The following HK1 variants were observed in gnomAD, a reference collection of about 807,000 sequenced individuals.
HK1 encodes the protein hexokinase 1, also known as hexokinase-1.
HK1 carries 28 observed loss-of-function variants against 91.6 expected under a neutral mutation model. The ratio of observed to expected loss-of-function variants is 0.31; its 90% CI spans 0.23 to 0.42. The LOEUF is 0.42. HK1 is among the 10% of genes least tolerant of loss of function. The pLI is 1.00. For missense variants in HK1, 770 were observed against 1,219.8 expected (o/e 0.63, Z 5.49); for synonymous variants, 430 against 468.1 (o/e 0.92, Z 1.05).
chr10:69,286,398 G>T (rs1845034290), intron 2 of HK1, among the ~76,000 whole-genome samples: 1 of 152,130 alleles, frequency 6.6e-6, no homozygotes, highest in Non-Finnish European at 1.5e-5. Flanking sequence ...CAGAGGCTGA[G>T]GTGGGAGGAT....
At chr10:69,389,076 A>G (rs747266165) in intron 13 of HK1, 121 bp from the exon 14 acceptor site, 95 of 758,388 alleles carry the variant, frequency 1.3e-4, no homozygotes, top group Non-Finnish European at 2.1e-4. Context: ...TAGGCTGGTA[A>G]GAAAACCATC....
chr10:69,373,441 T>C (rs1850120039), intron 7 of HK1, among the ~76,000 whole-genome samples: 1 of 152,204 alleles, frequency 6.6e-6, no homozygotes, highest in South Asian at 2.1e-4. Flanking sequence ...AGAAGGTCTG[T>C]TTCTAAAAGG....
chr10:69,374,981 A>G (rs1316975449), intron 7 of HK1, among the ~76,000 whole-genome samples: 2 of 152,224 alleles, frequency 1.3e-5, no homozygotes, highest in African/African-American at 4.8e-5. Flanking sequence ...GACACGGTCC[A>G]TGAGACAGGC....
intron 1 of HK1, among the ~76,000 whole-genome samples, chr10:69,271,674 T>TCACCATGTTA (rs893908470): frequency 3.9e-5 from 6 of 151,928 alleles, no homozygotes; most frequent in African/African-American, 1.5e-4. Context: ...AGATGGGGTT[T>TCACCATGTTA]CACCATGTTA....
chr10:69,360,307 A>T (rs1589538139), intron 3 of HK1, among the ~76,000 whole-genome samples: 1 of 152,184 alleles, frequency 6.6e-6, no homozygotes, highest in African/African-American at 2.4e-5. Flanking sequence ...TCTGGGTTTG[A>T]GGAGGGAGGC....
chr10:69,388,466 T>G (rs1839749409), intron 13 of HK1, among the ~76,000 whole-genome samples: 2 of 152,112 alleles, frequency 1.3e-5, no homozygotes, highest in South Asian at 4.1e-4. Flanking sequence ...AAAGGATACC[T>G]GCTGATCTAT....
chr10:69,323,645 T>C (rs74869479), intron 1 of HK1, among the ~76,000 whole-genome samples: 5,492 of 152,250 alleles, frequency 0.036, 151 homozygotes, highest in African/African-American at 0.082. Context: ...ATCCCTGCCT[T>C]TCCTACCTTA....
intron 1 of HK1, 119 bp from the exon 2 acceptor site, chr10:69,343,708 G>A (rs973152164): frequency 2.5e-6 from 2 of 797,430 alleles, no homozygotes; most frequent in East Asian, 2.4e-5. Flanking sequence ...TCCGCCATGC[G>A]ATGTGCCAGC....
intron 15 of HK1, among the ~76,000 whole-genome samples, chr10:69,393,694 G>A (rs1840013429): frequency 6.6e-6 from 1 of 152,190 alleles, no homozygotes; most frequent in Non-Finnish European, 1.5e-5. Flanking sequence ...GTATAGTGAA[G>A]AACCGTGCTA....
intron 1 of HK1, chr10:69,338,580 G>A (rs1272655615): frequency 7.8e-7 from 1 of 1,289,688 alleles, no homozygotes. Context: ...AATGGAGTGT[G>A]GGGAGGGATT....
At chr10:69,277,539 G>A (rs1844530015) in intron 1 of HK1, among the ~76,000 whole-genome samples, 1 of 152,144 alleles carries the variant, frequency 6.6e-6, no homozygotes, top group Non-Finnish European at 1.5e-5. Flanking sequence ...CTGCACTCCA[G>A]CCCGGGCGAC....
At chr10:69,281,911 G>A (rs1259254885) in intron 1 of HK1, among the ~76,000 whole-genome samples, 1 of 152,144 alleles carries the variant, frequency 6.6e-6, no homozygotes, top group Non-Finnish European at 1.5e-5. Flanking sequence ...AGGTTTGCCT[G>A]CTCTATTTTG....
chr10:69,391,659 A>T (rs942788068), intron 14 of HK1, among the ~76,000 whole-genome samples: 16 of 152,184 alleles, frequency 1.1e-4, no homozygotes, highest in Non-Finnish European at 2.9e-5. Flanking sequence ...AGAAAAAGAA[A>T]ATAAGTGAAT....
At chr10:69,388,762 T>G (rs1839763143) in intron 13 of HK1, among the ~76,000 whole-genome samples, 1 of 152,272 alleles carries the variant, frequency 6.6e-6, no homozygotes, top group African/African-American at 2.4e-5. Flanking sequence ...GACTATTGCA[T>G]GTCATGCAGT....
At chr10:69,364,267 G>A (rs1224984749) in intron 3 of HK1, among the ~76,000 whole-genome samples, 3 of 152,170 alleles carry the variant, frequency 2.0e-5, no homozygotes, top group East Asian at 3.8e-4. Context: ...ACTTTTTGGG[G>A]TATGCATAAG....
chr10:69,357,851 C>T (rs1048575279), intron 2 of HK1, among the ~76,000 whole-genome samples: 2 of 151,964 alleles, frequency 1.3e-5, no homozygotes, highest in Non-Finnish European at 2.9e-5. Flanking sequence ...GGATGAGGGG[C>T]TTGGGAGGTG....
At chr10:69,285,108 C>T (rs1386520173) in intron 2 of HK1, among the ~76,000 whole-genome samples, 4 of 152,070 alleles carry the variant, frequency 2.6e-5, no homozygotes, top group South Asian at 2.1e-4. Context: ...CATGTGCCAC[C>T]GCACCCAGCC....
chr10:69,295,053 C>CAAA (rs1190644487), intron 3 of HK1, among the ~76,000 whole-genome samples: 2 of 117,132 alleles, frequency 1.7e-5, no homozygotes, highest in African/African-American at 3.1e-5. Flanking sequence ...GACCCTGTCT[C>CAAA]AAAAAAAAAA....
chr10:69,280,626 A>G (rs746090998), intron 1 of HK1, among the ~76,000 whole-genome samples: 4 of 152,192 alleles, frequency 2.6e-5, no homozygotes, highest in Non-Finnish European at 5.9e-5. Context: ...AGGAGACTCT[A>G]GAGAGCTTGT....
Sources: allele counts gnomAD v4.1 joint callset (sites outside exome capture counted in the v4.1 genomes callset), GRCh38; gene constraint gnomAD v4.1.1; transcripts MANE v1.5; gene names NCBI Gene and HGNC (gene_info 2026-07-23, HGNC 2026-07-21).